Variants in SAMHD1 observed in about 807,000 individuals in gnomAD.
The protein encoded by SAMHD1 is SAM and HD domain containing deoxynucleoside triphosphate triphosphohydrolase 1, also known as deoxynucleoside triphosphate triphosphohydrolase SAMHD1.
A neutral mutation model predicts 79.6 loss-of-function variants in SAMHD1; 54 were observed. That is an observed-to-expected ratio of 0.68 (90% CI 0.55 to 0.85). The LOEUF is 0.85. Ranked by LOEUF, SAMHD1 falls within the 40% of genes least tolerant of loss-of-function variation. The pLI is 0.00. For missense variants in SAMHD1, 663 were observed against 782.7 expected (o/e 0.85, Z 1.82); for synonymous variants, 260 against 264.1 (o/e 0.98, Z 0.15).
chr20:36,907,453 A>G (rs2063411537), intron 11 of SAMHD1, among the ~76,000 whole-genome samples: 1 of 151,918 alleles, frequency 6.6e-6, no homozygotes, highest in Non-Finnish European at 1.5e-5. Context: ...AAATGTAAAT[A>G]TAATTTGAAA....
chr20:36,926,160 A>C (rs1014545096), intron 6 of SAMHD1, among the ~76,000 whole-genome samples: 2 of 152,160 alleles, frequency 1.3e-5, no homozygotes, highest in African/African-American at 4.8e-5. Context: ...TATAACAACC[A>C]AAACCTGAAA....
chr20:36,932,002 G>C (rs1038495455), intron 4 of SAMHD1, among the ~76,000 whole-genome samples: 1 of 151,892 alleles, frequency 6.6e-6, no homozygotes, highest in Non-Finnish European at 1.5e-5. Flanking sequence ...AAAGAGGGCC[G>C]GGTGCGGTGG....
intron 9 of SAMHD1, among the ~76,000 whole-genome samples, chr20:36,913,733 A>C (rs2063459031): frequency 1.4e-5 from 2 of 145,880 alleles, no homozygotes; most frequent in African/African-American, 5.1e-5. Context: ...AGGTATTACT[A>C]TTCTTATGTT....
intron 5 of SAMHD1, among the ~76,000 whole-genome samples, chr20:36,930,045 C>T (rs1267198716): frequency 1.5e-5 from 2 of 134,674 alleles, no homozygotes; most frequent in African/African-American, 2.8e-5. Flanking sequence ...GGCAATATAG[C>T]GAGATCCTGT....
intron 6 of SAMHD1, among the ~76,000 whole-genome samples, chr20:36,924,566 G>A (rs901422205): frequency 4.6e-5 from 7 of 152,064 alleles, no homozygotes; most frequent in African/African-American, 1.7e-4. Flanking sequence ...TGAAGTACAG[G>A]ATATATGGCA....
At chr20:36,894,553 G>A (rs1990162514) in intron 15 of SAMHD1, among the ~76,000 whole-genome samples, 1 of 151,492 alleles carries the variant, frequency 6.6e-6, no homozygotes, top group South Asian at 2.1e-4. Context: ...GATCACTTGA[G>A]GTCGGGAGTT....
chr20:36,932,103 A>T (rs1237101222), intron 4 of SAMHD1, among the ~76,000 whole-genome samples: 6 of 152,010 alleles, frequency 3.9e-5, no homozygotes. Context: ...AATGTGGTGA[A>T]ACTCCATCTC....
chr20:36,905,316 G>A (rs2148360477), intron 12 of SAMHD1, 48 bp downstream of exon 12: 4 of 1,600,320 alleles, frequency 2.5e-6, no homozygotes, highest in Non-Finnish European at 3.4e-6. Context: ...TCTCCTCTTG[G>A]AGGACAGAGA....
At chr20:36,949,295 A>C (rs1299056195) in intron 1 of SAMHD1, among the ~76,000 whole-genome samples, 2 of 151,632 alleles carry the variant, frequency 1.3e-5, no homozygotes, top group Non-Finnish European at 1.5e-5. Context: ...AATAAATTTT[A>C]AAAAATAATC....
At chr20:36,924,845 A>T (rs2063527110) in intron 6 of SAMHD1, among the ~76,000 whole-genome samples, 1 of 151,984 alleles carries the variant, frequency 6.6e-6, no homozygotes, top group South Asian at 2.1e-4. Flanking sequence ...GTCAGTGGGG[A>T]TAGGATGAAC....
Position 36,897,897 on chromosome 20 carries a change from C to T in SAMHD1, c.1671G>A (p.Val557=), listed in dbSNP as rs747642512. The T allele has an allele frequency of 1.2e-6, 2 of 1,614,208 alleles. No homozygotes were observed. Among genetic ancestry groups the T allele is most frequent in the Admixed American group, 1.7e-5 (1 of 60,022 alleles). The part of the protein sequence containing the change: ...EQLIRVYCKK[V]DRKSLYAARQ... ...TTGCGGCATACAAACTCTTTCTGTC[C>T]ACCTTCTTACAATATACTCGAATCA... Residue 557 remains valine, a synonymous_variant, in exon 15 of 16, where the codon GTG becomes GTA. Coordinates refer to ENST00000646673, the MANE Select transcript of SAMHD1 (RefSeq NM_015474.4).
rs768826781 is a variant in SAMHD1, at chr20:36,951,692, C to G, written c.-49G>C. On this transcript the variant is annotated 5_prime_UTR_variant, in exon 1 of 16. Coordinates refer to ENST00000646673, the MANE Select transcript of SAMHD1 (RefSeq NM_015474.4). ...GCAGTCAAGAACCTCGGCGCCGGAC[C>G]CGCGCGCAGGCGCACTGACAGCAGG... 5.0e-6 allele frequency: 8 copies of G among 1,609,226 alleles called. No individual in the cohort carries two copies. In the African/African-American group the frequency reaches 9.3e-5, roughly 19 times the overall value.
chr20:36,943,952 C>T (rs2063665001), intron 2 of SAMHD1, among the ~76,000 whole-genome samples: 1 of 151,498 alleles, frequency 6.6e-6, no homozygotes, highest in African/African-American at 2.4e-5. Context: ...GTGGCACACA[C>T]CTGTAGTCCC....
At chr20:36,951,390 C>A (rs368903626) in intron 1 of SAMHD1, 46 bp downstream of exon 1, 1 of 1,609,026 alleles carries the variant, frequency 6.2e-7, no homozygotes, top group Non-Finnish European at 8.5e-7. Flanking sequence ...CTGGCCCGCG[C>A]CCCAGGTCGC....
Position 36,951,658 on chromosome 20 carries a change from T to C in SAMHD1, c.-15A>G. ...GCTCGCTGCATGGCTACACCTGGCG[T>C]CCGGCACAGCAGTCAAGAACCTCGG... On this transcript the variant is annotated 5_prime_UTR_variant, in exon 1 of 16. Transcript: ENST00000646673. The C allele has an allele frequency of 6.2e-7, 1 of 1,612,550 alleles. No individual in the cohort carries two copies. The highest frequency in any genetic ancestry group is 8.5e-7 in the Non-Finnish European group (1 of 1,179,952).
intron 11 of SAMHD1, among the ~76,000 whole-genome samples, chr20:36,906,133 T>C (rs2063403858): frequency 6.6e-6 from 1 of 152,080 alleles, no homozygotes; most frequent in Non-Finnish European, 1.5e-5. Context: ...ACATGTTTTA[T>C]TTTGTCTTTA....
chr20:36,915,416 T>C (rs1309700653), intron 9 of SAMHD1, among the ~76,000 whole-genome samples: 1 of 152,154 alleles, frequency 6.6e-6, no homozygotes, highest in Non-Finnish European at 1.5e-5. Context: ...AACAGAAGGC[T>C]ATTTAGTTAA....
intron 3 of SAMHD1, among the ~76,000 whole-genome samples, chr20:36,939,880 G>A (rs912889205): frequency 1.2e-4 from 18 of 152,090 alleles, no homozygotes; most frequent in Middle Eastern, 3.2e-3. Flanking sequence ...ATCAAGTATG[G>A]TTTTAGAATC....
rs1157839973 is a variant in SAMHD1, at chr20:36,919,491, T to G, written c.725A>C (p.Glu242Ala). The change falls in exon 7 of 16, where the codon GAG (glutamate) becomes GCG (alanine). Residue 242 changes from glutamate (E) to alanine (A), a missense_variant. By Grantham distance (107) the Glu-to-Ala change is moderately radical (BLOSUM62 -1). Coordinates refer to ENST00000646673, the MANE Select transcript of SAMHD1 (RefSeq NM_015474.4). ...THEQGSVMMF[E>A]HLINSNGIKP... ...AATTCCATTAGAATTAATAAGGTGCTCAAACATCATAACTGAGCCTTGTTC... is the reference window on the plus strand; with the variant it reads ...AATTCCATTAGAATTAATAAGGTGCGCAAACATCATAACTGAGCCTTGTTC... 6.2e-7 allele frequency: 1 copy of G among 1,613,506 alleles called. No individual in the cohort carries two copies. Among genetic ancestry groups the G allele is most frequent in the African/African-American group, 1.3e-5 (1 of 74,914 alleles).
Sources: gnomAD v4.1 joint callset for allele counts (sites outside exome capture counted in the v4.1 genomes callset) on GRCh38, gnomAD v4.1.1 for gene constraint, MANE v1.5 for transcripts, NCBI Gene and HGNC (gene_info 2026-07-23, HGNC 2026-07-21) for gene names.